The following CCDC149 variants were observed in gnomAD, a reference collection of about 807,000 sequenced individuals.
CCDC149 encodes the protein coiled-coil domain-containing protein 149.
A neutral mutation model predicts 59.9 loss-of-function variants in CCDC149; 45 were observed. The ratio of observed to expected loss-of-function variants is 0.75; its 90% CI spans 0.59 to 0.96. The LOEUF (loss-of-function observed/expected upper bound fraction) is 0.96, where lower values mean the gene tolerates loss of function less well. Ranked by LOEUF, CCDC149 falls within the 40% of genes least tolerant of loss-of-function variation. The probability of loss-of-function intolerance (pLI) is 0.00; values close to 1 mark genes in which losing one functional copy is unlikely to be tolerated. For missense variants in CCDC149, 584 were observed against 664.7 expected, an observed-to-expected ratio of 0.88 and a Z score of 1.33; for synonymous variants, 245 against 260.6, an observed-to-expected ratio of 0.94 and a Z score of 0.58.
At chr4:24,920,762 A>C (rs950776505) in intron 1 of CCDC149, among the ~76,000 whole-genome samples, 1 of 152,220 alleles carries the variant, frequency 6.6e-6, no homozygotes, top group Admixed American at 6.5e-5. Flanking sequence ...TATATATTAC[A>C]CAAGTATTAA....
chr4:24,916,787 G>GGTGTGTGTGTGTGTGTGT (rs55857592), upstream of CCDC149, among the ~76,000 whole-genome samples: 42 of 142,014 alleles, frequency 3.0e-4, no homozygotes, highest in East Asian at 2.5e-3. Flanking sequence ...GGTTTATAAT[G>GGTGTGTGTGTGTGTGTGT]GTGTGTGTGT....
chr4:24,918,542 G>A (rs1266866539), intron 1 of CCDC149, among the ~76,000 whole-genome samples: 3 of 152,142 alleles, frequency 2.0e-5, no homozygotes, highest in Non-Finnish European at 1.5e-5. Context: ...TTGCCTCCCT[G>A]GGCCAGGCCT....
At chr4:24,969,507 T>C (rs183308997) in intron 1 of CCDC149, among the ~76,000 whole-genome samples, 11 of 152,128 alleles carry the variant, frequency 7.2e-5, no homozygotes, top group Non-Finnish European at 1.2e-4. Context: ...AAGCCCCGAG[T>C]ATAATTGAGC....
chr4:24,917,823 G>T (rs753267145), upstream of CCDC149, among the ~76,000 whole-genome samples: 3 of 152,120 alleles, frequency 2.0e-5, no homozygotes, highest in Admixed American at 6.5e-5. Context: ...TTCTGCGTGG[G>T]GGGGATATGA....
intron 8 of CCDC149, among the ~76,000 whole-genome samples, chr4:24,832,064 T>C (rs1716190114): frequency 6.6e-6 from 1 of 152,212 alleles, no homozygotes; most frequent in Admixed American, 6.5e-5. Flanking sequence ...CAATCACTCC[T>C]AGCTCCAAGC....
At chr4:24,879,022 C>T (rs1015293030) in intron 1 of CCDC149, among the ~76,000 whole-genome samples, 2 of 152,188 alleles carry the variant, frequency 1.3e-5, no homozygotes, top group Admixed American at 6.5e-5. Flanking sequence ...CCCACTGGCC[C>T]GGGATTTGAA....
chr4:24,803,708 C>T (rs975197325), downstream of CCDC149, among the ~76,000 whole-genome samples: 1 of 152,196 alleles, frequency 6.6e-6, no homozygotes, highest in Admixed American at 6.5e-5. This position sits in a 1 kb window ranked among gnomAD's most constrained non-coding sequence, Gnocchi z 4.3. Context: ...CTACCACTGG[C>T]CTCTGCTAAG....
rs972476367 is a variant in CCDC149 at position 24,808,346 on chromosome 4, T to C, written c.*43A>G. 1.4e-6 allele frequency: 2 copies of C among 1,431,330 alleles called. No individual in the cohort carries two copies. The highest frequency in any genetic ancestry group is 2.9e-5 in the African/African-American group (2 of 69,482). 88.7% of individuals were successfully genotyped at this position (1,431,330 alleles called of 1,614,324 possible). On this transcript the variant is annotated 3_prime_UTR_variant, in exon 13 of 13. Coordinates refer to ENST00000635206, the MANE Select transcript of CCDC149 (RefSeq NM_001330643.2). ...TTCCGATGCTTCATTCTTGACCCTC[T>C]CTGGGGCTTTCAATGTGTCATTGTG... is the stretch of plus-strand genomic sequence containing the variant.
chr4:24,928,870 A>C (rs1467091118), intron 1 of CCDC149, among the ~76,000 whole-genome samples: 3 of 152,166 alleles, frequency 2.0e-5, no homozygotes, highest in Non-Finnish European at 4.4e-5. Flanking sequence ...AATGGGGTGA[A>C]CTTCATGTGA....
intron 10 of CCDC149, among the ~76,000 whole-genome samples, chr4:24,821,659 A>G (rs1336327693): frequency 6.6e-6 from 1 of 152,216 alleles, no homozygotes; most frequent in Non-Finnish European, 1.5e-5. Context: ...TGATTCAAGG[A>G]TGAAGGAGAC....
At chr4:24,894,691 C>T (rs541444566) in intron 1 of CCDC149, among the ~76,000 whole-genome samples, 2 of 151,546 alleles carry the variant, frequency 1.3e-5, no homozygotes, top group East Asian at 2.0e-4. Flanking sequence ...AAAGTATGTT[C>T]GAAAGGGCAT....
intron 1 of CCDC149, among the ~76,000 whole-genome samples, chr4:24,888,638 A>G (rs951812113): frequency 2.6e-5 from 4 of 152,172 alleles, no homozygotes; most frequent in Non-Finnish European, 4.4e-5. Flanking sequence ...TTGGTTATCT[A>G]TGGAGTACAA....
At chr4:24,846,862 G>A (rs547494288) in intron 4 of CCDC149, among the ~76,000 whole-genome samples, 190 of 152,280 alleles carry the variant, frequency 1.2e-3, no homozygotes, top group Non-Finnish European at 2.0e-3. Flanking sequence ...TGAATACATC[G>A]CACTGTATTA....
intron 1 of CCDC149, among the ~76,000 whole-genome samples, chr4:24,902,786 G>A (rs938687398): frequency 2.0e-5 from 3 of 152,058 alleles, no homozygotes; most frequent in African/African-American, 7.2e-5. Flanking sequence ...AGTTTGGGAG[G>A]CTGAGACTGA....
At chr4:24,904,903 A>G (rs1234903860) in intron 1 of CCDC149, among the ~76,000 whole-genome samples, 1 of 151,376 alleles carries the variant, frequency 6.6e-6, no homozygotes, top group African/African-American at 2.4e-5. Context: ...TTGTTCTTTC[A>G]TTTGTTTGTT....
Position 24,834,942 on chromosome 4 carries a change from T to A in CCDC149, c.820+6A>T, listed in dbSNP as rs745454305. ...GAGCGGTCTCTCCTGGAGCATGATA[T>A]CCTACCTTGCTTTGCAGACAGGACT... On this transcript the variant is annotated splice_donor_region_variant and intron_variant, in intron 8 of 12. Coordinates refer to ENST00000635206, the MANE Select transcript of CCDC149 (RefSeq NM_001330643.2). 1 of 1,607,410 alleles carries A rather than the reference T, an allele frequency of 6.2e-7. No homozygotes were observed. Among genetic ancestry groups the A allele is most frequent in the African/African-American group, 1.3e-5 (1 of 74,878 alleles).
rs139736662 is a variant in CCDC149 at position 24,831,590 on chromosome 4, G to C, written c.881C>G (p.Ser294Cys). ...GGCTGTTGCCAGAGATTTCAGGTCA[G>C]AAATGGACTGCGGAGTAGCTGGGAG... The change falls in exon 9 of 13, where the codon TCT becomes TGT. Residue 294 changes from serine (S) to cysteine (C), a missense_variant. Transcript: ENST00000635206. 2.5e-4 allele frequency: 406 copies of C among 1,614,112 alleles called. 1 individual carries two copies. The African/African-American group carries it at 4.7e-3, about 19-fold the overall frequency.
At chr4:24,969,565 C>T (rs946810753) in intron 1 of CCDC149, among the ~76,000 whole-genome samples, 4 of 152,212 alleles carry the variant, frequency 2.6e-5, no homozygotes, top group Admixed American at 2.0e-4. Context: ...TGTCACACCC[C>T]TGTCTTTGCA....
In CCDC149 at chr4:24,860,818, T is replaced by C. The variant is rs181451157; in HGVS notation, c.265-7639A>G. Among the ~76,000 whole-genome samples, 117 of 152,234 alleles carry C rather than the reference T, an allele frequency of 7.7e-4. 1 individual carries two copies. The highest frequency in any genetic ancestry group is 1.9e-3 in the South Asian group (9 of 4,824). On this transcript the variant is annotated intron_variant, in intron 3 of 12. Coordinates refer to ENST00000635206, the MANE Select transcript of CCDC149 (RefSeq NM_001330643.2). ...AAGAGACAATTCTCAAAAGAAGATA[T>C]ATAAATGGCCGACAAACATATGAAA...
Sources: allele counts gnomAD v4.1 joint callset (sites outside exome capture counted in the v4.1 genomes callset), GRCh38; gene constraint gnomAD v4.1.1; non-coding constraint Gnocchi (gnomAD v3.1); transcripts MANE v1.5; gene names NCBI Gene and HGNC (gene_info 2026-07-23, HGNC 2026-07-21).